The following CFAP54 variants were observed in gnomAD, a reference collection of about 807,000 sequenced individuals.
The protein encoded by CFAP54 is cilia- and flagella-associated protein 54.
A neutral mutation model predicts 370.4 loss-of-function variants in CFAP54; 290 were observed. The observed-to-expected ratio is 0.78, with a 90% confidence interval of 0.71 to 0.86. CFAP54 has a LOEUF of 0.86. Among genes scored for constraint, CFAP54 ranks in the 40% least tolerant of loss-of-function variants. CFAP54 has a pLI of 0.00. For synonymous variants in CFAP54, 1,206 were observed against 1,236.5 expected, an observed-to-expected ratio of 0.98 and a Z score of 0.52; for missense variants, 3,399 against 3,528.7, an observed-to-expected ratio of 0.96 and a Z score of 0.93.
At chr12:96,534,413 G>T (rs985404301) in intron 11 of CFAP54, among the ~76,000 whole-genome samples, 186 bp downstream of exon 11, 8 of 152,168 alleles carry the variant, frequency 5.3e-5, no homozygotes, top group African/African-American at 1.9e-4. Context: ...AGGTGACAAG[G>T]TTAGAGAAGT....
At chr12:96,584,010 C>G (rs1247068023) in intron 22 of CFAP54, among the ~76,000 whole-genome samples, 1 of 152,168 alleles carries the variant, frequency 6.6e-6, no homozygotes, top group East Asian at 1.9e-4. Flanking sequence ...GATGTTGGAA[C>G]ATGAATGCTT....
chr12:96,538,976 A>T (rs1336879535), intron 13 of CFAP54, among the ~76,000 whole-genome samples: 1 of 149,786 alleles, frequency 6.7e-6, no homozygotes, highest in Non-Finnish European at 1.5e-5. Flanking sequence ...CTGGTCACAA[A>T]CTCCCAGGTT....
intron 26 of CFAP54, among the ~76,000 whole-genome samples, chr12:96,607,396 C>T (rs944091159): frequency 4.0e-5 from 6 of 150,238 alleles, no homozygotes; most frequent in African/African-American, 1.5e-4. Flanking sequence ...TAAAAGAAAA[C>T]AAACAAAAAT....
At chr12:96,705,185 C>T (rs1421053757) in intron 47 of CFAP54, among the ~76,000 whole-genome samples, 4 of 152,046 alleles carry the variant, frequency 2.6e-5, no homozygotes, top group Non-Finnish European at 5.9e-5. Flanking sequence ...ACAGTTAATG[C>T]AGATATATAC....
chr12:96,625,740 A>C lies in CFAP54; in HGVS notation c.3909A>C (p.Gly1303=), dbSNP rs1257539088. 1.3e-6 allele frequency: 2 copies of C among 1,535,416 alleles called. No homozygotes were observed. Among genetic ancestry groups the C allele is most frequent in the Admixed American group, 3.9e-5 (2 of 50,932 alleles). The change falls in exon 29 of 68, where the codon GGA becomes GGC. Residue 1303 remains glycine, a synonymous_variant. Transcript: ENST00000524981. ...TAGATGTTACATCTGAACTCTCAGG[A>C]GGAGAGGACCCTATATTTCTTTATC... The part of the protein sequence containing the change: ...TKQYVTSELS[G]GEDPIFLYPV...
At chr12:96,558,387 A>G (rs1432408919) in intron 17 of CFAP54, among the ~76,000 whole-genome samples, 2 of 152,140 alleles carry the variant, frequency 1.3e-5, no homozygotes, top group East Asian at 3.9e-4. Context: ...ATATTTGGAA[A>G]ACCCCAAAGA....
intron 17 of CFAP54, among the ~76,000 whole-genome samples, chr12:96,560,421 T>C (rs1955803241): frequency 6.6e-6 from 1 of 152,168 alleles, no homozygotes; most frequent in Admixed American, 6.6e-5. Flanking sequence ...TTCCCAAATA[T>C]CCTTTTTGGG....
intron 26 of CFAP54, among the ~76,000 whole-genome samples, chr12:96,606,908 C>A (rs1272557760): frequency 2.6e-5 from 4 of 152,172 alleles, no homozygotes; most frequent in African/African-American, 9.7e-5. Flanking sequence ...ATCTGCCTGC[C>A]TGTTTTTATG....
chr12:96,839,876 C>T lies in CFAP54; in HGVS notation c.9171+10788C>T, dbSNP rs117883586. Among the ~76,000 whole-genome samples, 305 of 152,304 alleles carry T rather than the reference C, an allele frequency of 2.0e-3. 5 individuals carry two copies. The highest frequency in any genetic ancestry group is 0.013 in the Admixed American group (202 of 15,288). On this transcript the variant is annotated intron_variant, in intron 66 of 67. Transcript: ENST00000524981. The stretch of plus-strand genomic sequence containing the variant: ...GTCTGGAACATAACTTGTGACCTCT[C>T]TCTGTGGCTGGTTGGGCCTCCTCAC...
intron 8 of CFAP54, among the ~76,000 whole-genome samples, chr12:96,522,718 G>A (rs1452746367): frequency 6.6e-6 from 1 of 152,106 alleles, no homozygotes; most frequent in Non-Finnish European, 1.5e-5. Flanking sequence ...AGTTATCAGG[G>A]GCTCTGCCTT....
chr12:96,834,351 C>T (rs1320370027), intron 66 of CFAP54, among the ~76,000 whole-genome samples: 1 of 152,220 alleles, frequency 6.6e-6, no homozygotes, highest in African/African-American at 2.4e-5. Flanking sequence ...TGCTCAGGCC[C>T]ACTGAGCTTG....
At chr12:96,524,923 TA>T (rs1415285873) in intron 8 of CFAP54, among the ~76,000 whole-genome samples, 2 of 152,208 alleles carry the variant, frequency 1.3e-5, no homozygotes, top group African/African-American at 4.8e-5. Context: ...TTTTTGCTAT[TA>T]TAAGTATTGA....
chr12:96,540,760 T>A lies in CFAP54; in HGVS notation c.1927-77T>A. ...AGAAGATGGTTGTTTCAAGGAAGTATAAGTTTTGAAAAATGTGACTGTTTC... is the reference window on the plus strand; with the variant it reads ...AGAAGATGGTTGTTTCAAGGAAGTAAAAGTTTTGAAAAATGTGACTGTTTC... On this transcript the variant is annotated intron_variant, in intron 13 of 67. Coordinates refer to ENST00000524981, the MANE Select transcript of CFAP54 (RefSeq NM_001306084.2). 3.2e-6 allele frequency: 3 copies of A among 950,000 alleles called. No homozygotes were observed. In the East Asian group the frequency reaches 9.5e-5, roughly 30 times the overall value. 58.8% of individuals were successfully genotyped at this position (950,000 alleles called of 1,614,324 possible). A position where few individuals can be genotyped will look rare whatever the true frequency, so the allele number is the denominator to read the frequency against.
chr12:96,746,024 T>C (rs1958110768), intron 55 of CFAP54, among the ~76,000 whole-genome samples: 1 of 152,190 alleles, frequency 6.6e-6, no homozygotes, highest in Non-Finnish European at 1.5e-5. Flanking sequence ...CCAGCCTCCT[T>C]CTGCCTCTCT....
chr12:96,724,466 A>G (rs980599044), intron 50 of CFAP54, among the ~76,000 whole-genome samples: 2 of 152,156 alleles, frequency 1.3e-5, no homozygotes, highest in African/African-American at 2.4e-5. Context: ...TGGCTGCATA[A>G]ATGTCTTCTT....
At chr12:96,524,884 T>G (rs1565884468) in intron 8 of CFAP54, among the ~76,000 whole-genome samples, 1 of 152,224 alleles carries the variant, frequency 6.6e-6, no homozygotes, top group African/African-American at 2.4e-5. Flanking sequence ...TAATATTTTA[T>G]CATTATTACT....
chr12:96,803,434 C>T (rs533776789), intron 63 of CFAP54, among the ~76,000 whole-genome samples: 35 of 151,970 alleles, frequency 2.3e-4, no homozygotes, highest in Non-Finnish European at 4.6e-4. Context: ...ATGAATCAGC[C>T]CTCCAGGATT....
chr12:96,682,854 T>C (rs747457609), intron 40 of CFAP54, among the ~76,000 whole-genome samples: 21 of 152,348 alleles, frequency 1.4e-4, no homozygotes, highest in Non-Finnish European at 2.8e-4. Context: ...TCCATCACTA[T>C]TGTGAGATTC....
chr12:96,819,745 A>G (rs1349877011), intron 65 of CFAP54, among the ~76,000 whole-genome samples: 1 of 152,160 alleles, frequency 6.6e-6, no homozygotes, highest in Non-Finnish European at 1.5e-5. Context: ...CTCAGTCATT[A>G]CATCAGAACT....
Sources: allele counts gnomAD v4.1 joint callset (sites outside exome capture counted in the v4.1 genomes callset), GRCh38; gene constraint gnomAD v4.1.1; transcripts MANE v1.5; gene names NCBI Gene and HGNC (gene_info 2026-07-23, HGNC 2026-07-21).